Variants in UBR2 observed in about 807,000 individuals in gnomAD.
The protein encoded by UBR2 is E3 ubiquitin-protein ligase UBR2.
In UBR2, 92 loss-of-function variants were observed where a neutral mutation model predicts 247.9. The observed-to-expected ratio is 0.37, with a 90% CI of 0.31 to 0.44. The LOEUF is 0.44. UBR2 is among the 20% of genes least tolerant of loss of function. The probability of loss-of-function intolerance (pLI) is 1.00; values close to 1 mark genes in which losing one functional copy is unlikely to be tolerated. For missense variants in UBR2, 1,613 were observed against 2,112.6 expected, an observed-to-expected ratio of 0.76 and a Z score of 4.64; for synonymous variants, 672 against 693.5, an observed-to-expected ratio of 0.97 and a Z score of 0.49.
Position 42,614,446 on chromosome 6 carries a change from A to G in UBR2, c.986-625A>G, listed in dbSNP as rs1794407993. Among the ~76,000 whole-genome samples the G allele has an allele frequency of 2.0e-5, 3 of 149,848 alleles. 1 individual carries two copies. The South Asian group carries it at 6.4e-4, about 32-fold the overall frequency. On this transcript the variant is annotated intron_variant, in intron 8 of 46. Transcript: ENST00000372901. Reference sequence around the variant, plus strand: ...TACATATATATGTATGTACGTACATATATATGTATGGAACAAATAAGTGTT... The same window carrying G: ...TACATATATATGTATGTACGTACATGTATATGTATGGAACAAATAAGTGTT...
At chr6:42,623,981 A>T (rs1451643883) in intron 11 of UBR2, among the ~76,000 whole-genome samples, 5 of 151,966 alleles carry the variant, frequency 3.3e-5, no homozygotes, top group Admixed American at 3.3e-4. Context: ...CTTATTTGTG[A>T]GAGAGATTAA....
intron 2 of UBR2, among the ~76,000 whole-genome samples, chr6:42,575,754 T>C (rs1365081076): frequency 6.6e-6 from 1 of 152,246 alleles, no homozygotes; most frequent in Admixed American, 6.5e-5. Flanking sequence ...TATTGATCAC[T>C]TGATTAAAGG....
chr6:42,674,334 C>A, intron 38 of UBR2, 141 bp downstream of exon 38: 1 of 734,906 alleles, frequency 1.4e-6, no homozygotes, highest in Non-Finnish European at 2.1e-6. Flanking sequence ...TATGAGAAAC[C>A]TCAAAAAGAA....
intron 8 of UBR2, among the ~76,000 whole-genome samples, chr6:42,614,380 A>ATATGTATGTACGTACATACATACG: frequency 7.6e-6 from 1 of 131,578 alleles, no homozygotes; most frequent in South Asian, 2.4e-4. Flanking sequence ...ATGTGTGTAT[A>ATATGTATGTACGTACATACATACG]TATGTATGTA....
intron 2 of UBR2, among the ~76,000 whole-genome samples, chr6:42,580,321 A>G (rs1284447388): frequency 6.6e-6 from 1 of 152,226 alleles, no homozygotes; most frequent in Non-Finnish European, 1.5e-5. Context: ...TTGGTGCAGA[A>G]TGAAACGTAG....
intron 22 of UBR2, among the ~76,000 whole-genome samples, chr6:42,649,518 T>C (rs994681744): frequency 3.3e-5 from 5 of 152,274 alleles, no homozygotes; most frequent in African/African-American, 1.2e-4. Flanking sequence ...ACCTCCTAAT[T>C]GCCTTCCCAA....
rs1021793552 is a variant in UBR2 at position 42,605,736 on chromosome 6, C to T, written c.678C>T (p.Thr226=). ...ADLEMVEKSD[T]YYCMLFNDEV... is the part of the protein sequence containing the mutation. The stretch of plus-strand genomic sequence containing the variant: ...TATCACACAGAGAGAAGAGTGACAC[C>T]TACTATTGCATGCTGTTTAATGATG... The change falls in exon 6 of 47, where the codon ACC becomes ACT. Residue 226 remains threonine (T), a synonymous_variant. Transcript: ENST00000372901. 1 of 1,605,846 alleles carries T rather than the reference C, an allele frequency of 6.2e-7. No homozygotes were observed. Among genetic ancestry groups the T allele is most frequent in the Non-Finnish European group, 8.5e-7 (1 of 1,177,316 alleles).
chr6:42,600,992 T>C (rs1793322201), intron 4 of UBR2, among the ~76,000 whole-genome samples: 1 of 152,212 alleles, frequency 6.6e-6, no homozygotes, highest in Non-Finnish European at 1.5e-5. Flanking sequence ...TTAATTCAAA[T>C]AGGACATCTC....
Position 42,621,224 on chromosome 6 carries a change from A to AT in UBR2, c.1281+3722dup, listed in dbSNP as rs988607260. On this transcript the variant is annotated intron_variant, in intron 11 of 46. Transcript: ENST00000372901. The stretch of plus-strand genomic sequence containing the variant: ...TGTGTATCTAAGAAGTAAGGTCTTG[A>AT]TTTTTCCCCCTACATAGTTATTCAA... Among the ~76,000 whole-genome samples the AT allele has an allele frequency of 5.9e-5, 9 of 152,194 alleles. No individual in the cohort carries two copies. In the South Asian group the frequency reaches 1.7e-3, roughly 28 times the overall value.
intron 13 of UBR2, 54 bp downstream of exon 13, chr6:42,632,958 C>CTCTTTTTTTTTTTTTTT (rs1562335065): frequency 9.8e-6 from 6 of 610,586 alleles, no homozygotes; most frequent in Admixed American, 5.4e-5. Flanking sequence ...TCTCTTTTCT[C>CTCTTTTTTTTTTTTTTT]TTTTTTTTTT....
chr6:42,611,793 C>G (rs1251016714), intron 7 of UBR2, among the ~76,000 whole-genome samples: 1 of 151,810 alleles, frequency 6.6e-6, no homozygotes, highest in Non-Finnish European at 1.5e-5. Context: ...GTAGTCCCAG[C>G]TCCTTGGGAG....
intron 8 of UBR2, among the ~76,000 whole-genome samples, chr6:42,612,557 A>C (rs1215506056): frequency 6.6e-6 from 1 of 152,244 alleles, no homozygotes; most frequent in Non-Finnish European, 1.5e-5. Context: ...AAAGGACATT[A>C]ATATGCTAAT....
At chr6:42,578,263 T>C (rs990884676) in intron 2 of UBR2, among the ~76,000 whole-genome samples, 1 of 152,136 alleles carries the variant, frequency 6.6e-6, no homozygotes, top group Non-Finnish European at 1.5e-5. Context: ...TTCCACAAGC[T>C]TACTGTAATG....
chr6:42,660,974 T>G (rs1797761128), intron 30 of UBR2, among the ~76,000 whole-genome samples: 1 of 136,216 alleles, frequency 7.3e-6, no homozygotes, highest in African/African-American at 2.8e-5. Flanking sequence ...GTGGTTTTTT[T>G]GTTTGTTTGT....
chr6:42,691,063 C>A lies in UBR2; in HGVS notation c.5158C>A (p.Arg1720=). ...AAATCCTTTACATTTATGCAAAGAG[C>A]GATTCAAGAAGATTCAGAAGCTCTG... ...RGNPLHLCKE[R]FKKIQKLWHQ... Residue 1720 remains arginine, a synonymous_variant, in exon 47 of 47, where the codon CGA becomes AGA. Transcript: ENST00000372901. The A allele has an allele frequency of 6.2e-7, 1 of 1,613,960 alleles. No individual in the cohort carries two copies. Among genetic ancestry groups the A allele is most frequent in the Non-Finnish European group, 8.5e-7 (1 of 1,179,978 alleles).
chr6:42,580,680 C>T (rs1791827202), intron 2 of UBR2, among the ~76,000 whole-genome samples: 1 of 152,094 alleles, frequency 6.6e-6, no homozygotes, highest in Non-Finnish European at 1.5e-5. Context: ...GCTGGGACTA[C>T]AGGTGCCCGC....
At chr6:42,613,083 A>G (rs909475299) in intron 8 of UBR2, among the ~76,000 whole-genome samples, 4 of 152,216 alleles carry the variant, frequency 2.6e-5, no homozygotes, top group Non-Finnish European at 5.9e-5. Context: ...CCTGGGCAAA[A>G]GAGTGAAACT....
chr6:42,687,575 C>T (rs538766872), intron 44 of UBR2, among the ~76,000 whole-genome samples: 1 of 151,776 alleles, frequency 6.6e-6, no homozygotes, highest in Non-Finnish European at 1.5e-5. Context: ...GGGTCTCACT[C>T]TGTTGCCCAG....
At chr6:42,669,452 C>T (rs1798308943) in intron 34 of UBR2, among the ~76,000 whole-genome samples, 2 of 152,118 alleles carry the variant, frequency 1.3e-5, no homozygotes, top group Admixed American at 1.3e-4. Flanking sequence ...GTTCTGTTAG[C>T]TCACTGTTGC....
Sources: allele counts gnomAD v4.1 joint callset (sites outside exome capture counted in the v4.1 genomes callset), GRCh38; gene constraint gnomAD v4.1.1; transcripts MANE v1.5; gene names NCBI Gene and HGNC (gene_info 2026-07-23, HGNC 2026-07-21).